The following MIA2 variants were observed in gnomAD, a reference collection of about 807,000 sequenced individuals.
MIA2 encodes the protein melanoma inhibitory activity protein 2.
MIA2 carries 127 observed loss-of-function variants against 167.8 expected under a neutral mutation model. That is an observed-to-expected ratio of 0.76 (90% CI 0.66 to 0.88). The LOEUF (loss-of-function observed/expected upper bound fraction) is 0.88, where lower values mean the gene tolerates loss of function less well. MIA2 is among the 40% of genes least tolerant of loss of function. The pLI, the probability that MIA2 is intolerant of heterozygous loss-of-function variation, is 0.00. For missense variants in MIA2, 1,690 were observed against 1,624.7 expected, an observed-to-expected ratio of 1.04 and a Z score of -0.69; for synonymous variants, 552 against 541.9, an observed-to-expected ratio of 1.02 and a Z score of -0.26.
At chr14:39,331,662 A>T (rs1177594074) in intron 25 of MIA2, among the ~76,000 whole-genome samples, 1 of 152,158 alleles carries the variant, frequency 6.6e-6, no homozygotes, top group Non-Finnish European at 1.5e-5. Flanking sequence ...GTGGAGCCAA[A>T]ATCCCTAAGC....
intron 6 of MIA2, among the ~76,000 whole-genome samples, chr14:39,261,658 C>T (rs2152656121): frequency 6.6e-6 from 1 of 152,242 alleles, no homozygotes; most frequent in East Asian, 1.9e-4. Context: ...CCTGTTGTTT[C>T]CTGACTTTTT....
chr14:39,304,335 T>A lies in MIA2; in HGVS notation c.2832T>A (p.Ile944=), dbSNP rs1180181174. Reference sequence around the variant, plus strand: ...CCTTAGAAGGAGAAAGAAACCAAATTTATATTCAGTTGTCTGAAGTTGATA... The same window carrying A: ...CCTTAGAAGGAGAAAGAAACCAAATATATATTCAGTTGTCTGAAGTTGATA... The part of the protein sequence containing the change: ...LKTLEGERNQ[I]YIQLSEVDKT... Residue 944 remains isoleucine (I), a synonymous_variant, in exon 17 of 29, where the codon ATT becomes ATA. Coordinates refer to ENST00000640607, the MANE Select transcript of MIA2 (RefSeq NM_001329214.4). 2.5e-6 allele frequency: 4 copies of A among 1,577,350 alleles called. No homozygotes were observed. Among genetic ancestry groups the A allele is most frequent in the Non-Finnish European group, 3.4e-6 (4 of 1,161,146 alleles).
chr14:39,387,971 A>G (rs577700713), exon 24 of MIA2: 2 of 152,358 alleles, frequency 1.3e-5, no homozygotes, highest in African/African-American at 4.8e-5. Context: ...TACACCTAAT[A>G]CATTTCAGTA....
intron 25 of MIA2, among the ~76,000 whole-genome samples, chr14:39,337,942 C>T (rs1202695376): frequency 5.3e-5 from 8 of 152,074 alleles, no homozygotes; most frequent in Admixed American, 3.3e-4. Context: ...AGGCTGGTCT[C>T]GAACTTCTGA....
At chr14:39,356,804 T>C (rs1378997682) in intron 23 of MIA2, among the ~76,000 whole-genome samples, 3 of 152,262 alleles carry the variant, frequency 2.0e-5, no homozygotes, top group Non-Finnish European at 4.4e-5. Flanking sequence ...TTTATTTCGT[T>C]ATGTACCCAG....
intron 6 of MIA2, chr14:39,276,212 T>C (rs1465288797): frequency 6.6e-6 from 1 of 152,000 alleles, no homozygotes; most frequent in Non-Finnish European, 1.5e-5. Context: ...AAAGGTGAAA[T>C]ATAGAAGCAA....
At chr14:39,387,992 T>A (rs971930257) in exon 24 of MIA2, 1 of 152,228 alleles carries the variant, frequency 6.6e-6, no homozygotes, top group Non-Finnish European at 1.5e-5. Flanking sequence ...TAAACATAAC[T>A]TTTATGTGCA....
chr14:39,302,139 A>T lies in MIA2; in HGVS notation c.2630A>T (p.Glu877Val), dbSNP rs770080376. The change falls in exon 15 of 29, where the codon GAA becomes GTA. Residue 877 changes from glutamate to valine, a missense_variant. Physicochemically the swap from Glu to Val is moderately radical, Grantham distance 121. Transcript: ENST00000640607. The part of the protein sequence containing the change: ...DKESHIKTLT[E>V]RLLKMKDWAA... ...TTGTTCAATGTCAAGACTCTGACTGAACGCTTGTTAAAGATGAAAGATTGG... is the reference window on the plus strand; with the variant it reads ...TTGTTCAATGTCAAGACTCTGACTGTACGCTTGTTAAAGATGAAAGATTGG... 17 of 1,613,408 alleles carry T rather than the reference A, an allele frequency of 1.1e-5. No homozygotes were observed. Among genetic ancestry groups the T allele is most frequent in the Non-Finnish European group, 7.6e-6 (9 of 1,179,606 alleles).
intron 17 of MIA2, among the ~76,000 whole-genome samples, chr14:39,305,091 A>G (rs1319921191): frequency 6.6e-6 from 1 of 152,176 alleles, no homozygotes; most frequent in Non-Finnish European, 1.5e-5. Flanking sequence ...CTTTTTACTT[A>G]TCTGTATTTT....
intron 6 of MIA2, among the ~76,000 whole-genome samples, chr14:39,263,484 C>G (rs999889599): frequency 1.3e-5 from 2 of 151,878 alleles, no homozygotes; most frequent in African/African-American, 4.8e-5. Context: ...ATCCTTCTGC[C>G]TTAGTCTCCC....
intron 23 of MIA2, among the ~76,000 whole-genome samples, chr14:39,357,893 T>C (rs944433930): frequency 6.6e-5 from 10 of 151,854 alleles, no homozygotes; most frequent in African/African-American, 1.7e-4. Context: ...CACTCTCTTC[T>C]GGCTTGTAAA....
chr14:39,355,060 A>G (rs565902900), downstream of MIA2, among the ~76,000 whole-genome samples: 2 of 107,970 alleles, frequency 1.9e-5, no homozygotes, highest in African/African-American at 3.8e-5. Context: ...TTGGTTCCAT[A>G]TGAACTTTAA....
Position 39,294,060 on chromosome 14 carries a change from C to T in MIA2, c.2380C>T (p.Gln794Ter). ...LEDESKSLKS[Q>*]VAEAKMTFKI... ...AGATGAGTCAAAATCCCTCAAATCA[C>T]AAGTAGCTGAAGTAAGTTGAATTAG... Residue 794 changes from glutamine (Q) to a stop codon, truncating the protein, a stop_gained, in exon 12 of 29, where the codon CAA becomes TAA. Transcript: ENST00000640607. LOFTEE classifies it high-confidence loss of function. 6.2e-7 allele frequency: 1 copy of T among 1,609,040 alleles called. No homozygotes were observed. The highest frequency in any genetic ancestry group is 8.5e-7 in the Non-Finnish European group (1 of 1,177,032).
At position 39,326,890 on chromosome 14, in the gene MIA2, G is replaced by T; in HGVS notation, c.3523G>T (p.Asp1175Tyr). The T allele has an allele frequency of 6.3e-7, 1 of 1,592,912 alleles. No individual in the cohort carries two copies. The highest frequency in any genetic ancestry group is 8.5e-7 in the Non-Finnish European group (1 of 1,171,338). ...RGSRGPGNPL[D>Y]HQITNERGES... ...CTCACGAGGCCCAGGGAATCCTCTG[G>T]ACCATCAGATTACCAATGAAAGAGG... Residue 1175 changes from aspartate (D) to tyrosine (Y), a missense_variant, in exon 25 of 29, where the codon GAC becomes TAC. By Grantham distance (160) the Asp-to-Tyr change is radical. Coordinates refer to ENST00000640607, the MANE Select transcript of MIA2 (RefSeq NM_001329214.4).
At chr14:39,325,776 C>T (rs372727906) in intron 24 of MIA2, among the ~76,000 whole-genome samples, 22 of 138,254 alleles carry the variant, frequency 1.6e-4, no homozygotes, top group East Asian at 8.9e-4. Flanking sequence ...TGCAGTGGCA[C>T]GATCTTGGCT....
chr14:39,270,953 G>A (rs920203246), intron 6 of MIA2, among the ~76,000 whole-genome samples: 5 of 152,044 alleles, frequency 3.3e-5, no homozygotes, highest in South Asian at 2.1e-4. Context: ...AAGCGTAAGC[G>A]TTCTAAATTT....
chr14:39,384,105 A>G (rs2075222709), intron 23 of MIA2, among the ~76,000 whole-genome samples: 1 of 152,188 alleles, frequency 6.6e-6, no homozygotes, highest in Non-Finnish European at 1.5e-5. Flanking sequence ...AGCTAGAGAG[A>G]AGTCAATGCC....
chr14:39,256,890 T>TAG (rs771305971), intron 6 of MIA2, among the ~76,000 whole-genome samples: 42 of 152,262 alleles, frequency 2.8e-4, no homozygotes, highest in Non-Finnish European at 5.1e-4. Context: ...AAAGAAAACT[T>TAG]ATCTGAGCTT....
At chr14:39,265,345 G>A in intron 6 of MIA2, 1 of 1,439,688 alleles carries the variant, frequency 6.9e-7, no homozygotes, top group African/African-American at 1.4e-5. Context: ...GAGGTGCCTG[G>A]TAGAACTTTA....
Sources: allele counts gnomAD v4.1 joint callset (sites outside exome capture counted in the v4.1 genomes callset), GRCh38; gene constraint gnomAD v4.1.1; transcripts MANE v1.5; gene names NCBI Gene and HGNC (gene_info 2026-07-23, HGNC 2026-07-21).